Variants in SLC39A12 observed in about 807,000 individuals in gnomAD.
The protein encoded by SLC39A12 is zinc transporter ZIP12.
A neutral mutation model predicts 71.1 loss-of-function variants in SLC39A12; 63 were observed. The observed-to-expected ratio is 0.89, with a 90% CI of 0.72 to 1.09. The LOEUF is 1.09. Ranked by LOEUF, SLC39A12 falls within the 50% of genes least tolerant of loss-of-function variation. The probability of loss-of-function intolerance (pLI) is 0.00; values close to 1 mark genes in which losing one functional copy is unlikely to be tolerated. For synonymous variants in SLC39A12, 351 were observed against 301.3 expected (o/e 1.16, Z -1.71); for missense variants, 892 against 812.6 (o/e 1.10, Z -1.19).
chr10:18,035,113 A>G (rs1329932228), intron 12 of SLC39A12, among the ~76,000 whole-genome samples: 105 of 144,548 alleles, frequency 7.3e-4, no homozygotes, highest in African/African-American at 2.7e-3. Context: ...GGTGAATCTG[A>G]CAATTATGTG....
intron 4 of SLC39A12, among the ~76,000 whole-genome samples, chr10:17,974,106 G>C (rs1009972805): frequency 4.0e-5 from 6 of 149,656 alleles, no homozygotes; most frequent in Non-Finnish European, 8.9e-5. Flanking sequence ...TTAATTATTG[G>C]GTTCTTTTTA....
chr10:18,039,447 G>A (rs935217957), intron 12 of SLC39A12, among the ~76,000 whole-genome samples: 20 of 152,170 alleles, frequency 1.3e-4, no homozygotes, highest in African/African-American at 4.8e-4. Context: ...AGTGATTGGG[G>A]CTGAGTATGG....
At chr10:18,019,850 C>T (rs1381712568) in intron 12 of SLC39A12, among the ~76,000 whole-genome samples, 13 of 151,986 alleles carry the variant, frequency 8.6e-5, no homozygotes, top group Non-Finnish European at 1.8e-4. Context: ...GAATGTTCCA[C>T]GTGAGCTGGG....
At chr10:17,971,621 G>C (rs116700356) in intron 4 of SLC39A12, among the ~76,000 whole-genome samples, 2 of 151,836 alleles carry the variant, frequency 1.3e-5, no homozygotes, top group Non-Finnish European at 2.9e-5. Context: ...ATTTATTGGC[G>C]TATGGTTACT....
At chr10:18,000,616 A>G in intron 10 of SLC39A12, 51 bp from the exon 11 acceptor site, 1 of 1,573,002 alleles carries the variant, frequency 6.4e-7, no homozygotes, top group Non-Finnish European at 8.7e-7. Context: ...GGATTTGGTG[A>G]AATATGTAGT....
At chr10:17,993,353 G>A (rs1162973650) in intron 9 of SLC39A12, 62 bp downstream of exon 9, 1 of 1,135,430 alleles carries the variant, frequency 8.8e-7, no homozygotes, top group African/African-American at 1.6e-5. Flanking sequence ...ATTCCTCAAT[G>A]AACAAATGAA....
intron 12 of SLC39A12, among the ~76,000 whole-genome samples, chr10:18,041,729 G>GTA (rs780865231): frequency 3.0e-5 from 3 of 99,512 alleles, no homozygotes; most frequent in East Asian, 8.2e-4. Context: ...GTATATATGT[G>GTA]TATATATGTA....
At chr10:18,003,084 C>T in intron 11 of SLC39A12, 87 bp from the exon 12 acceptor site, 3 of 1,238,728 alleles carry the variant, frequency 2.4e-6, no homozygotes, top group Non-Finnish European at 3.4e-6. Context: ...CCAGTGCTGA[C>T]ATTCGAAATA....
intron 12 of SLC39A12, among the ~76,000 whole-genome samples, chr10:18,020,377 A>G (rs1195365522): frequency 6.6e-6 from 1 of 152,038 alleles, no homozygotes; most frequent in Non-Finnish European, 1.5e-5. Flanking sequence ...ATTGTCAGGC[A>G]TTTAGGTTGA....
At chr10:17,959,077 G>T (rs1834621722) in intron 2 of SLC39A12, among the ~76,000 whole-genome samples, 1 of 152,028 alleles carries the variant, frequency 6.6e-6, no homozygotes, top group African/African-American at 2.4e-5. Context: ...GTTTCAGGAG[G>T]CTATTTTGTA....
chr10:17,984,495 A>G (rs1309042248), intron 6 of SLC39A12, among the ~76,000 whole-genome samples: 3 of 152,204 alleles, frequency 2.0e-5, no homozygotes, highest in Non-Finnish European at 4.4e-5. Context: ...TGTAAATTTT[A>G]TTAAACATCC....
intron 2 of SLC39A12, among the ~76,000 whole-genome samples, chr10:17,957,793 C>T (rs1305248159): frequency 6.6e-6 from 1 of 152,150 alleles, no homozygotes; most frequent in Non-Finnish European, 1.5e-5. Context: ...GAGGCTTCCA[C>T]CTGTATTCTT....
chr10:17,974,839 A>C (rs985455777), intron 4 of SLC39A12, among the ~76,000 whole-genome samples: 7 of 152,014 alleles, frequency 4.6e-5, no homozygotes, highest in African/African-American at 1.7e-4. Flanking sequence ...CTTGTGTTCT[A>C]CTCTTCAGGG....
chr10:17,967,898 AAT>A (rs565522405), intron 4 of SLC39A12, among the ~76,000 whole-genome samples: 12,936 of 119,498 alleles, frequency 0.11, 637 homozygotes, highest in African/African-American at 0.12. Context: ...AAAAAAAAAA[AAT>A]ATATATATAT....
chr10:17,964,896 G>A (rs1184252566), intron 3 of SLC39A12, among the ~76,000 whole-genome samples: 1 of 152,158 alleles, frequency 6.6e-6, no homozygotes, highest in Non-Finnish European at 1.5e-5. Flanking sequence ...GTTCCCCTTG[G>A]AGAAAACACA....
At position 18,000,742 on chromosome 10, in the gene SLC39A12, T is replaced by C. The variant is rs1221066373; in HGVS notation, c.1676T>C (p.Ile559Thr). 1.2e-6 allele frequency: 2 copies of C among 1,614,046 alleles called. No homozygotes were observed. Among genetic ancestry groups the C allele is most frequent in the Non-Finnish European group, 1.7e-6 (2 of 1,180,008 alleles). ...CATAATTTTGCAGATGGCCTAGCCA[T>C]AGGAGCAGCCTTCTCATCATCATCC... ...SLHNFADGLA[I>T]GAAFSSSSES... The change falls in exon 11 of 13, where the codon ATA becomes ACA. Residue 559 changes from isoleucine (I) to threonine (T), a missense_variant. Transcript: ENST00000377369.
intron 7 of SLC39A12, among the ~76,000 whole-genome samples, chr10:17,990,555 T>C (rs1183235943): frequency 6.6e-6 from 1 of 152,116 alleles, no homozygotes; most frequent in African/African-American, 2.4e-5. Context: ...ACTCAACCAA[T>C]GGGATGAGTC....
chr10:17,997,022 CAAAAAA>C (rs71924913), intron 10 of SLC39A12, among the ~76,000 whole-genome samples: 2 of 115,552 alleles, frequency 1.7e-5, no homozygotes, highest in Non-Finnish European at 3.4e-5. Context: ...GACTCCGTCT[CAAAAAA>C]AAAAAAAAAG....
chr10:17,990,278 A>G (rs1835509924), intron 7 of SLC39A12, among the ~76,000 whole-genome samples: 1 of 152,182 alleles, frequency 6.6e-6, no homozygotes, highest in African/African-American at 2.4e-5. Context: ...TACACAACAT[A>G]TATATGTAGA....
Sources: allele counts gnomAD v4.1 joint callset (sites outside exome capture counted in the v4.1 genomes callset), GRCh38; gene constraint gnomAD v4.1.1; transcripts MANE v1.5; gene names NCBI Gene and HGNC (gene_info 2026-07-23, HGNC 2026-07-21).